The following ANK3 variants were observed in gnomAD, a reference collection of about 807,000 sequenced individuals.
ANK3 encodes ankyrin 3.
A neutral mutation model predicts 370.9 loss-of-function variants in ANK3; 57 were observed. The observed-to-expected ratio is 0.15, with a 90% CI of 0.12 to 0.19. The LOEUF (loss-of-function observed/expected upper bound fraction) is 0.19. ANK3 is among the 10% of genes least tolerant of loss of function. The pLI is 1.00. For missense variants in ANK3, 4,439 were observed against 5,302.1 expected, an observed-to-expected ratio of 0.84 and a Z score of 5.06; for synonymous variants, 1,929 against 1,946.3, an observed-to-expected ratio of 0.99 and a Z score of 0.23.
intron 1 of ANK3, among the ~76,000 whole-genome samples, chr10:60,700,652 G>T (rs1361646097): frequency 6.6e-6 from 1 of 152,092 alleles, no homozygotes; most frequent in Non-Finnish European, 1.5e-5. Context: ...ACAAAATCCA[G>T]AATTACTTCT....
chr10:60,656,165 G>A (rs1204270488), intron 1 of ANK3, among the ~76,000 whole-genome samples: 1 of 152,094 alleles, frequency 6.6e-6, no homozygotes, highest in Non-Finnish European at 1.5e-5. Context: ...AGGTTTTTAC[G>A]ACAAACTTAA....
At chr10:60,400,777 C>T (rs1834869184) in intron 2 of ANK3, among the ~76,000 whole-genome samples, 2 of 151,980 alleles carry the variant, frequency 1.3e-5, no homozygotes, top group African/African-American at 2.4e-5. Context: ...TAAACGTGTG[C>T]CATGGTGGTT....
intron 14 of ANK3, 67 bp downstream of exon 14, chr10:60,198,273 A>C: frequency 6.6e-7 from 1 of 1,513,644 alleles, no homozygotes; most frequent in Non-Finnish European, 9.1e-7. Context: ...ACCTGTTACT[A>C]TGCGGGGAAA....
intron 2 of ANK3, among the ~76,000 whole-genome samples, chr10:60,556,946 G>C (rs2077220471): frequency 6.6e-6 from 1 of 152,192 alleles, no homozygotes; most frequent in Non-Finnish European, 1.5e-5. Flanking sequence ...GTTGTGAACT[G>C]TGCAAGCGAG....
chr10:60,267,945 T>C lies in ANK3; in HGVS notation c.513+2186A>G, dbSNP rs2097906220. ...CACAATGTGTGTATCGTAGTGTGCT[T>C]AGAATAGCTACTCTTGAGTGTGAAG... On this transcript the variant is annotated intron_variant, in intron 5 of 43. Transcript: ENST00000280772. Among the ~76,000 whole-genome samples the C allele has an allele frequency of 3.9e-5, 6 of 152,312 alleles. No individual in the cohort carries two copies. In the South Asian group the frequency reaches 1.2e-3, roughly 32 times the overall value.
At chr10:60,459,464 G>C (rs866135216) in intron 2 of ANK3, among the ~76,000 whole-genome samples, 3 of 152,116 alleles carry the variant, frequency 2.0e-5, no homozygotes, top group African/African-American at 7.2e-5. Context: ...ACCTGTTGCT[G>C]CTACCTTTGT....
intron 1 of ANK3, among the ~76,000 whole-genome samples, chr10:60,388,619 G>A (rs16914967): frequency 0.022 from 3,340 of 152,078 alleles, 130 homozygotes; most frequent in African/African-American, 0.077. Context: ...AAGTACTCAC[G>A]GGCTATAATA....
rs72824143 is a variant in ANK3, at chr10:60,363,663, C to T, written c.114+25762G>A. 5.2e-3 allele frequency among the ~76,000 whole-genome samples: 788 copies of T among 152,294 alleles called. 4 individuals are homozygous for T. Among genetic ancestry groups the T allele is most frequent in the South Asian group, 0.011 (53 of 4,818 alleles). On this transcript the variant is annotated intron_variant, in intron 1 of 43. Coordinates refer to ENST00000280772, the MANE Select transcript of ANK3 (RefSeq NM_020987.5). ...GTTTTCATTAGAAATTATAAGGGCA[C>T]AGCCCAATAAGAAATTCAAAACATT...
chr10:60,465,365 A>T (rs2064986694), intron 2 of ANK3, among the ~76,000 whole-genome samples: 1 of 152,238 alleles, frequency 6.6e-6, no homozygotes, highest in Non-Finnish European at 1.5e-5. Flanking sequence ...AACTATAAAA[A>T]TTCCCATGCA....
chr10:60,265,683 G>C (rs1237856999), intron 5 of ANK3, among the ~76,000 whole-genome samples: 1 of 152,040 alleles, frequency 6.6e-6, no homozygotes, highest in Non-Finnish European at 1.5e-5. Flanking sequence ...AAAACACATA[G>C]GAGCACATAT....
At chr10:60,303,463 A>G (rs1342704336) in intron 1 of ANK3, among the ~76,000 whole-genome samples, 1 of 152,190 alleles carries the variant, frequency 6.6e-6, no homozygotes, top group Non-Finnish European at 1.5e-5. Flanking sequence ...TGGCCTTACA[A>G]ATGACCAGCA....
chr10:60,415,595 G>A (rs1459921425), intron 2 of ANK3, among the ~76,000 whole-genome samples: 3 of 152,052 alleles, frequency 2.0e-5, no homozygotes, highest in African/African-American at 4.8e-5. Context: ...AGCTGGAGAA[G>A]GGAAGAGGCT....
chr10:60,655,470 T>G (rs555581416), intron 1 of ANK3, among the ~76,000 whole-genome samples: 2 of 152,120 alleles, frequency 1.3e-5, no homozygotes, highest in South Asian at 2.1e-4. Context: ...AAAAATATTT[T>G]AAATAGAAAA....
At chr10:60,249,485 G>A (rs561316209) in intron 7 of ANK3, among the ~76,000 whole-genome samples, 28 of 152,172 alleles carry the variant, frequency 1.8e-4, no homozygotes, top group Non-Finnish European at 2.2e-4. Flanking sequence ...TCTTACCCCC[G>A]CAGAAAGTAA....
rs535727068 is a variant in ANK3, at chr10:60,525,500, TG to T, written c.96+89685del. Reference sequence around the variant, plus strand: ...CACGGTATTTAAATAACTCATTAGGTGTCTTAGAAAGATATTAAGTACTTGC... The same window carrying T: ...CACGGTATTTAAATAACTCATTAGGTTCTTAGAAAGATATTAAGTACTTGC... On this transcript the variant is annotated intron_variant, in intron 2 of 43. Coordinates refer to the ANK3 transcript ENST00000373827. Among the ~76,000 whole-genome samples the T allele has an allele frequency of 1.1e-4, 17 of 152,228 alleles. No individual in the cohort carries two copies. In the East Asian group the frequency reaches 3.1e-3, roughly 28 times the overall value.
intron 1 of ANK3, among the ~76,000 whole-genome samples, chr10:60,677,784 C>CAAAAAAAAA (rs752482255): frequency 1.0e-5 from 1 of 99,300 alleles, no homozygotes; most frequent in Admixed American, 1.1e-4. Context: ...CTCAACTACC[C>CAAAAAAAAA]AAAAAAAAAA....
intron 1 of ANK3, among the ~76,000 whole-genome samples, chr10:60,645,146 T>A (rs185479112): frequency 1.3e-5 from 2 of 152,208 alleles, no homozygotes. Context: ...CCTAATGAGA[T>A]TTTTTTGATG....
At position 60,069,997 on chromosome 10, in the gene ANK3, C is replaced by G. The variant is rs1397398620; in HGVS notation, c.10884G>C (p.Arg3628Ser). The change falls in exon 37 of 44, where the codon AGG becomes AGC. Residue 3628 changes from arginine (R) to serine (S), a missense_variant. This residue lies in a region of ANK3 where 496 missense variants were observed against 529.3 expected (regional missense o/e 0.94). Coordinates refer to ENST00000280772, the MANE Select transcript of ANK3 (RefSeq NM_020987.5). ...DMSKRDFVEE[R>S]LQFFQIGEHT... is the part of the protein sequence containing the mutation. ...GCTCACCAATCTGGAAAAATTGGAG[C>G]CTCTCTTCAACAAAATCCCTCTTGC... The G allele has an allele frequency of 6.2e-7, 1 of 1,613,952 alleles. No individual in the cohort carries two copies. The highest frequency in any genetic ancestry group is 8.5e-7 in the Non-Finnish European group (1 of 1,180,004).
intron 1 of ANK3, among the ~76,000 whole-genome samples, chr10:60,664,039 G>A (rs1317573337): frequency 6.6e-6 from 1 of 152,156 alleles, no homozygotes; most frequent in Non-Finnish European, 1.5e-5. Flanking sequence ...CAGCCTTCCT[G>A]GGAACATAAA....
Sources: allele counts gnomAD v4.1 joint callset (sites outside exome capture counted in the v4.1 genomes callset), GRCh38; gene constraint gnomAD v4.1.1; regional missense constraint gnomAD v4.1.1; transcripts MANE v1.5; gene names NCBI Gene and HGNC (gene_info 2026-07-23, HGNC 2026-07-21).